Variants in IL1RAP observed in about 807,000 individuals in gnomAD.
The protein encoded by IL1RAP is interleukin 1 receptor accessory protein, also known as interleukin-1 receptor accessory protein.
In IL1RAP, 35 loss-of-function variants were observed where a neutral mutation model predicts 60.7. The ratio of observed to expected loss-of-function variants is 0.58; its 90% CI spans 0.44 to 0.76. IL1RAP has a LOEUF of 0.76. Ranked by LOEUF, IL1RAP falls within the 30% of genes least tolerant of loss-of-function variation. The probability of loss-of-function intolerance (pLI) is 0.00; values close to 1 mark genes in which losing one functional copy is unlikely to be tolerated. For missense variants in IL1RAP, 572 were observed against 693.9 expected (o/e 0.82, Z 1.97); for synonymous variants, 268 against 250.9 (o/e 1.07, Z -0.64).
At chr3:190,646,982 ACAGC>A (rs1293322681) in intron 11 of IL1RAP, among the ~76,000 whole-genome samples, 3 of 152,234 alleles carry the variant, frequency 2.0e-5, no homozygotes, top group African/African-American at 7.2e-5. Flanking sequence ...ATTTGTTCGT[ACAGC>A]CATTCAATAA....
At chr3:190,577,896 G>T (rs76402468) in intron 3 of IL1RAP, among the ~76,000 whole-genome samples, 1,848 of 152,216 alleles carry the variant, frequency 0.012, 41 homozygotes, top group African/African-American at 0.042. Flanking sequence ...TTATGTTTGG[G>T]TTTATTTCTG....
chr3:190,608,935 T>G, intron 4 of IL1RAP, 60 bp from the exon 5 acceptor site: 1 of 1,291,484 alleles, frequency 7.7e-7, no homozygotes, highest in Non-Finnish European at 1.1e-6. Flanking sequence ...CATTTGAATG[T>G]GGTTGCTCTA....
intron 3 of IL1RAP, among the ~76,000 whole-genome samples, chr3:190,592,168 C>T (rs58906319): frequency 0.054 from 8,229 of 152,186 alleles, 395 homozygotes; most frequent in African/African-American, 0.12. Flanking sequence ...TACAGGCACG[C>T]GCCACCACAC....
At chr3:190,542,072 A>G (rs1160548782) in intron 1 of IL1RAP, among the ~76,000 whole-genome samples, 1 of 152,164 alleles carries the variant, frequency 6.6e-6, no homozygotes, top group Non-Finnish European at 1.5e-5. Flanking sequence ...TCAAACTGAT[A>G]ATAAAATACC....
chr3:190,595,329 G>T (rs1729289108), intron 3 of IL1RAP, among the ~76,000 whole-genome samples: 1 of 152,106 alleles, frequency 6.6e-6, no homozygotes. Context: ...AATGCTATAC[G>T]CCTTCTCCAT....
Position 190,648,906 on chromosome 3 carries a change from C to T in IL1RAP, c.*201C>T, listed in dbSNP as rs1734229498. The T allele has an allele frequency of 2.2e-6, 3 of 1,361,944 alleles. No individual in the cohort carries two copies. Among genetic ancestry groups the T allele is most frequent in the Non-Finnish European group, 2.8e-6 (3 of 1,059,904 alleles). 84.4% of individuals were successfully genotyped at this position (1,361,944 alleles called of 1,614,324 possible). On this transcript the variant is annotated 3_prime_UTR_variant, in exon 12 of 12. Transcript: ENST00000447382. The stretch of plus-strand genomic sequence containing the variant: ...AGTTTAGAAAGATATCATCAACGTT[C>T]TGTCACCAGTCTCTGATGCCACTAT...
At chr3:190,608,958 C>T (rs758176140) in intron 4 of IL1RAP, 37 bp from the exon 5 acceptor site, 1 of 1,535,596 alleles carries the variant, frequency 6.5e-7, no homozygotes, top group South Asian at 1.2e-5. Flanking sequence ...AAATCAAATG[C>T]AAATACTACC....
downstream of IL1RAP, among the ~76,000 whole-genome samples, chr3:190,653,130 C>G (rs369748205): frequency 6.7e-4 from 102 of 152,264 alleles, no homozygotes; most frequent in African/African-American, 2.3e-3. Flanking sequence ...ATAGACAGAA[C>G]TTTTACACAC....
intron 5 of IL1RAP, among the ~76,000 whole-genome samples, chr3:190,615,061 C>CTTTTTTTTT (rs3836445): frequency 1.3e-5 from 2 of 149,660 alleles, no homozygotes; most frequent in Non-Finnish European, 1.5e-5. Context: ...TCTTTCTCCT[C>CTTTTTTTTT]TTTTTTTTTT....
chr3:190,588,521 G>T (rs1577670010), intron 3 of IL1RAP, among the ~76,000 whole-genome samples: 2 of 152,334 alleles, frequency 1.3e-5, no homozygotes, highest in Admixed American at 1.3e-4. Flanking sequence ...GGACTTGACA[G>T]TGTTGTCCTG....
intron 3 of IL1RAP, among the ~76,000 whole-genome samples, chr3:190,597,084 C>T (rs1465672874): frequency 2.0e-5 from 3 of 152,134 alleles, no homozygotes; most frequent in Non-Finnish European, 2.9e-5. Flanking sequence ...TCACTTTACA[C>T]ACATATTCAT....
chr3:190,647,169 G>T (rs58414595), intron 11 of IL1RAP, among the ~76,000 whole-genome samples: 7,256 of 152,002 alleles, frequency 0.048, 512 homozygotes, highest in African/African-American at 0.16. Context: ...TGGGTCTCTT[G>T]CCATGCTTGC....
intron 9 of IL1RAP, among the ~76,000 whole-genome samples, chr3:190,636,825 AAG>A (rs1733261381): frequency 6.6e-6 from 1 of 151,972 alleles, no homozygotes; most frequent in Non-Finnish European, 1.5e-5. Context: ...GACTGCCTTT[AAG>A]TTTACCATCT....
chr3:190,599,174 T>C (rs1729634997), intron 3 of IL1RAP, among the ~76,000 whole-genome samples: 1 of 152,182 alleles, frequency 6.6e-6, no homozygotes, highest in Admixed American at 6.5e-5. Flanking sequence ...TCGTTCACTG[T>C]CATTCTGAGG....
intron 4 of IL1RAP, among the ~76,000 whole-genome samples, chr3:190,606,919 A>AT (rs1338299553): frequency 3.9e-4 from 59 of 152,340 alleles, no homozygotes; most frequent in African/African-American, 1.4e-3. Context: ...GCTAAAAAAA[A>AT]GTCGGTTGAA....
intron 3 of IL1RAP, among the ~76,000 whole-genome samples, chr3:190,575,191 C>A (rs1226396309): frequency 6.6e-6 from 1 of 152,126 alleles, no homozygotes; most frequent in Non-Finnish European, 1.5e-5. Context: ...CATATGTCTC[C>A]TGGGCACCTG....
intron 2 of IL1RAP, among the ~76,000 whole-genome samples, chr3:190,561,334 A>G (rs959306659): frequency 6.6e-6 from 1 of 152,200 alleles, no homozygotes; most frequent in African/African-American, 2.4e-5. Context: ...GGTACCTTTA[A>G]TCTGTCAAAA....
intron 3 of IL1RAP, among the ~76,000 whole-genome samples, chr3:190,596,494 AT>A (rs1357465127): frequency 1.3e-5 from 2 of 152,196 alleles, no homozygotes; most frequent in African/African-American, 4.8e-5. Flanking sequence ...ATACCCTGCT[AT>A]ATAAATGCTA....
At chr3:190,599,327 C>T (rs148950021) in intron 3 of IL1RAP, among the ~76,000 whole-genome samples, 269 of 152,220 alleles carry the variant, frequency 1.8e-3, no homozygotes, top group Admixed American at 3.3e-3. Context: ...GGAGTCTTTA[C>T]GTGTCTGCAT....
Sources: allele counts gnomAD v4.1 joint callset (sites outside exome capture counted in the v4.1 genomes callset), GRCh38; gene constraint gnomAD v4.1.1; transcripts MANE v1.5; gene names NCBI Gene and HGNC (gene_info 2026-07-23, HGNC 2026-07-21).